PRTG: variants seen among roughly 807,000 people sequenced by gnomAD.
PRTG encodes protogenin.
Under a neutral mutation model 122.5 loss-of-function variants are expected in PRTG, and 67 were observed. The observed-to-expected ratio is 0.55, with a 90% CI of 0.45 to 0.67. PRTG has a LOEUF of 0.67. Among genes scored for constraint, PRTG ranks in the 30% least tolerant of loss-of-function variants. The pLI is 0.00. For missense variants in PRTG, 1,435 were observed against 1,415.4 expected, an observed-to-expected ratio of 1.01 and a Z score of -0.22; for synonymous variants, 554 against 501.1, an observed-to-expected ratio of 1.11 and a Z score of -1.41.
At chr15:55,708,157 A>AAAT in intron 2 of PRTG, among the ~76,000 whole-genome samples, 1 of 94,148 alleles carries the variant, frequency 1.1e-5, no homozygotes, top group Non-Finnish European at 2.2e-5. Context: ...GTAAAAAAAA[A>AAAT]AAAAAAAAAA....
At chr15:55,741,435 T>C (rs2031604009) in intron 1 of PRTG, among the ~76,000 whole-genome samples, 2 of 152,352 alleles carry the variant, frequency 1.3e-5, no homozygotes, top group Admixed American at 6.5e-5. Flanking sequence ...TACTGTCTAA[T>C]AGGGATAGGA....
At chr15:55,679,871 C>G in intron 6 of PRTG, 183 bp downstream of exon 6, 1 of 572,804 alleles carries the variant, frequency 1.7e-6, no homozygotes, top group Non-Finnish European at 3.0e-6. Flanking sequence ...AGAATGGTGA[C>G]CTCAGAATGA....
At chr15:55,728,980 C>T (rs76109635) in intron 2 of PRTG, among the ~76,000 whole-genome samples, 1,601 of 152,274 alleles carry the variant, frequency 0.011, 20 homozygotes, top group East Asian at 0.012. Context: ...GGAAATTAAA[C>T]AATTCCATTT....
chr15:55,709,313 C>T (rs957348640), intron 2 of PRTG, among the ~76,000 whole-genome samples: 1 of 145,208 alleles, frequency 6.9e-6, no homozygotes, highest in African/African-American at 2.5e-5. Flanking sequence ...AAAGAAAGTG[C>T]TGACAAGTTT....
intron 2 of PRTG, among the ~76,000 whole-genome samples, chr15:55,706,958 G>A (rs7178114): frequency 5.9e-5 from 9 of 152,156 alleles, no homozygotes; most frequent in Non-Finnish European, 1.3e-4. Flanking sequence ...TCAGGCCCCA[G>A]CCCAGAACTA....
chr15:55,650,695 T>C (rs572304966), intron 11 of PRTG, among the ~76,000 whole-genome samples: 1 of 152,240 alleles, frequency 6.6e-6, no homozygotes, highest in Non-Finnish European at 1.5e-5. Context: ...CTGAGCTTGG[T>C]GGCTCATGCT....
At chr15:55,697,641 T>G (rs1453571374) in intron 2 of PRTG, among the ~76,000 whole-genome samples, 2 of 152,062 alleles carry the variant, frequency 1.3e-5, no homozygotes, top group Non-Finnish European at 2.9e-5. Context: ...ACAGGCGCAC[T>G]ACACCACACC....
At chr15:55,682,896 T>C (rs1022691666) in intron 3 of PRTG, among the ~76,000 whole-genome samples, 9 of 152,170 alleles carry the variant, frequency 5.9e-5, no homozygotes, top group East Asian at 1.9e-4. Context: ...TATTCTGTGA[T>C]AGGAATACAC....
chr15:55,658,559 G>A (rs894960858), intron 11 of PRTG, among the ~76,000 whole-genome samples: 9 of 151,978 alleles, frequency 5.9e-5, no homozygotes, highest in Non-Finnish European at 1.2e-4. Context: ...CTCACGATCC[G>A]CCCACCTCAG....
chr15:55,701,025 C>A (rs749114033), intron 2 of PRTG, among the ~76,000 whole-genome samples: 5 of 152,116 alleles, frequency 3.3e-5, no homozygotes, highest in Non-Finnish European at 7.3e-5. Context: ...AAAAGTATAT[C>A]CTACCTCATA....
chr15:55,665,114 A>G (rs2059431616), intron 11 of PRTG, among the ~76,000 whole-genome samples: 1 of 151,794 alleles, frequency 6.6e-6, no homozygotes, highest in Admixed American at 6.6e-5. Context: ...ACAAAAAATT[A>G]GCCTGCGTGG....
chr15:55,672,681 C>A, intron 10 of PRTG, 48 bp from the exon 11 acceptor site: 2 of 1,421,062 alleles, frequency 1.4e-6, no homozygotes, highest in South Asian at 2.6e-5. Flanking sequence ...CCAATATCCA[C>A]ATAAAGACAC....
intron 2 of PRTG, among the ~76,000 whole-genome samples, chr15:55,723,102 C>A (rs2141871451): frequency 6.6e-6 from 1 of 152,166 alleles, no homozygotes; most frequent in African/African-American, 2.4e-5. Context: ...AACAATTAAC[C>A]CCAAAACTGG....
intron 2 of PRTG, chr15:55,738,371 A>C (rs187694725): frequency 1.6e-6 from 1 of 629,960 alleles, no homozygotes; most frequent in East Asian, 2.8e-5. Flanking sequence ...GTGTTTTTCC[A>C]AAAGTGTTTC....
intron 11 of PRTG, among the ~76,000 whole-genome samples, chr15:55,652,703 G>T (rs1198891692): frequency 6.6e-6 from 1 of 152,250 alleles, no homozygotes; most frequent in East Asian, 1.9e-4. Context: ...CGAGTGAAAC[G>T]CTACGATAAA....
At chr15:55,714,538 C>A (rs369144392) in intron 2 of PRTG, among the ~76,000 whole-genome samples, 2 of 151,730 alleles carry the variant, frequency 1.3e-5, no homozygotes, top group Admixed American at 1.3e-4. Context: ...GCATCCTTAT[C>A]CCCCCCTTTT....
In PRTG at chr15:55,637,179, G is replaced by C. The variant is rs763793512; in HGVS notation, c.2614C>G (p.His872Asp). 1.9e-6 allele frequency: 3 copies of C among 1,591,652 alleles called. No homozygotes were observed. In the African/African-American group the frequency reaches 4.0e-5, roughly 21 times the overall value. ...AATTTATGATATTTACCTTCACGGT[G>C]TAAGACCTGCCACTCTCCTGCAATC... ...AWIAGEWQVL[H>D]REGAITMALL... The change falls in exon 15 of 20, where the codon CAC (histidine) becomes GAC (aspartate). Residue 872 changes from histidine (H) to aspartate (D), a missense_variant. By Grantham distance (81) the His-to-Asp change is moderately conservative (BLOSUM62 -1). Transcript: ENST00000389286.
intron 2 of PRTG, among the ~76,000 whole-genome samples, chr15:55,708,334 C>G (rs981358769): frequency 6.6e-6 from 1 of 152,094 alleles, no homozygotes; most frequent in East Asian, 1.9e-4. Context: ...CCAGGCCAGG[C>G]GCAGTGGCTC....
intron 2 of PRTG, among the ~76,000 whole-genome samples, chr15:55,687,902 T>C (rs1300261618): frequency 6.6e-6 from 1 of 152,160 alleles, no homozygotes; most frequent in Non-Finnish European, 1.5e-5. Flanking sequence ...ACAATGAAAG[T>C]AAATTCCCTC....
Sources: allele counts gnomAD v4.1 joint callset (sites outside exome capture counted in the v4.1 genomes callset), GRCh38; gene constraint gnomAD v4.1.1; transcripts MANE v1.5; gene names NCBI Gene and HGNC (gene_info 2026-07-23, HGNC 2026-07-21).